The following SHANK2 variants were observed in gnomAD, a reference collection of about 807,000 sequenced individuals.
SHANK2 encodes SH3 and multiple ankyrin repeat domains 2.
In SHANK2, 43 loss-of-function variants were observed where a neutral mutation model predicts 133.7. The ratio of observed to expected loss-of-function variants is 0.32; its 90% CI spans 0.25 to 0.41. The LOEUF is 0.41. SHANK2 is among the 10% of genes least tolerant of loss of function. The probability of loss-of-function intolerance (pLI) is 1.00; values close to 1 mark genes in which losing one functional copy is unlikely to be tolerated. For missense variants in SHANK2, 1,994 were observed against 2,235.8 expected (o/e 0.89, Z 2.18); for synonymous variants, 1,017 against 952.8 (o/e 1.07, Z -1.24).
intron 17 of SHANK2, among the ~76,000 whole-genome samples, chr11:70,563,991 T>C (rs1257300872): frequency 2.0e-5 from 3 of 152,256 alleles, no homozygotes; most frequent in African/African-American, 7.2e-5. Flanking sequence ...CTGGCATTGC[T>C]TCTGACACTA....
At chr11:70,863,998 C>T (rs1206688205) in intron 11 of SHANK2, 1 of 387,036 alleles carries the variant, frequency 2.6e-6, no homozygotes, top group African/African-American at 2.1e-5. Flanking sequence ...CCCCAGCAAA[C>T]AAAAACTGGC....
chr11:70,586,760 C>T (rs1014405998), intron 17 of SHANK2, among the ~76,000 whole-genome samples: 7 of 152,132 alleles, frequency 4.6e-5, no homozygotes, highest in African/African-American at 7.2e-5. Context: ...CAGCTGGAGC[C>T]GGGAGTGGGC....
At chr11:71,162,574 G>T (rs545457231) in intron 2 of SHANK2, among the ~76,000 whole-genome samples, 2 of 152,190 alleles carry the variant, frequency 1.3e-5, no homozygotes, top group African/African-American at 4.8e-5. Flanking sequence ...GACAAATCAA[G>T]TAACATACGT....
At chr11:71,235,444 A>C (rs1276611920) in intron 1 of SHANK2, among the ~76,000 whole-genome samples, 1 of 152,000 alleles carries the variant, frequency 6.6e-6, no homozygotes, top group Admixed American at 6.6e-5. Flanking sequence ...AAATACAAAA[A>C]TTAGCCAGGC....
intron 3 of SHANK2, among the ~76,000 whole-genome samples, chr11:71,129,179 G>A (rs73521198): frequency 0.02 from 3,025 of 152,340 alleles, 96 homozygotes; most frequent in African/African-American, 0.069. Flanking sequence ...GAACACTCCT[G>A]GGTAGTATCA....
chr11:70,651,293 C>T (rs2134212410), intron 17 of SHANK2, among the ~76,000 whole-genome samples: 1 of 152,276 alleles, frequency 6.6e-6, no homozygotes, highest in South Asian at 2.1e-4. Flanking sequence ...AATGAACGAG[C>T]CAAGACTTCA....
intron 11 of SHANK2, among the ~76,000 whole-genome samples, chr11:70,844,783 C>A (rs932754451): frequency 3.9e-5 from 6 of 152,120 alleles, no homozygotes; most frequent in Non-Finnish European, 8.8e-5. Context: ...TTCCCAGGAG[C>A]GGAAATGCCA....
At chr11:70,685,830 T>C (rs1486126124) in intron 15 of SHANK2, among the ~76,000 whole-genome samples, 1 of 152,116 alleles carries the variant, frequency 6.6e-6, no homozygotes, top group Admixed American at 6.5e-5. Context: ...AGTGAAAATT[T>C]ATTGAGTGCT....
intron 16 of SHANK2, among the ~76,000 whole-genome samples, 188 bp downstream of exon 16, chr11:70,661,408 G>A (rs1555013209): frequency 6.6e-6 from 1 of 152,036 alleles, no homozygotes; most frequent in Non-Finnish European, 1.5e-5. Flanking sequence ...ACAATGTGAA[G>A]GAACATGGTT....
At position 70,756,064 on chromosome 11, in the gene SHANK2, A is replaced by G. The variant is rs117328894; in HGVS notation, c.1777+42379T>C. Reference sequence around the variant, plus strand: ...TTGCGGAGATGGCTCTGCTGCTCTGAGCTCGTTTCCTCACTGGCCGCAGCG... The same window carrying G: ...TTGCGGAGATGGCTCTGCTGCTCTGGGCTCGTTTCCTCACTGGCCGCAGCG... On this transcript the variant is annotated intron_variant, in intron 14 of 25. Transcript: ENST00000601538. 7.0e-4 allele frequency among the ~76,000 whole-genome samples: 106 copies of G among 152,054 alleles called. No individual in the cohort carries two copies. The East Asian group carries it at 0.02, about 28-fold the overall frequency.
intron 8 of SHANK2, among the ~76,000 whole-genome samples, chr11:71,080,698 G>A (rs1012571960): frequency 0.96 from 145,673 of 152,280 alleles, 69,885 homozygotes; most frequent in Non-Finnish European, 1. Context: ...ACATCATTTC[G>A]GCTCTCACTG....
intron 17 of SHANK2, among the ~76,000 whole-genome samples, chr11:70,619,292 C>T (rs1057115750): frequency 3.3e-5 from 5 of 152,220 alleles, no homozygotes; most frequent in Admixed American, 6.5e-5. Flanking sequence ...GAGAGAGCGG[C>T]GTTGGCAGGG....
intron 2 of SHANK2, among the ~76,000 whole-genome samples, chr11:71,183,360 C>G (rs544406030): frequency 1.3e-5 from 2 of 152,254 alleles, no homozygotes; most frequent in African/African-American, 4.8e-5. Flanking sequence ...GAGAGGGGCT[C>G]CTATCAGGAC....
intron 2 of SHANK2, among the ~76,000 whole-genome samples, chr11:71,168,533 C>G (rs895160383): frequency 1.3e-5 from 2 of 152,136 alleles, no homozygotes; most frequent in Non-Finnish European, 2.9e-5. Flanking sequence ...AGCCTGGGCA[C>G]CATTGAGCAC....
At chr11:71,060,821 A>G (rs1166618772) in intron 9 of SHANK2, among the ~76,000 whole-genome samples, 2 of 152,230 alleles carry the variant, frequency 1.3e-5, no homozygotes, top group African/African-American at 4.8e-5. Context: ...CTGCAAGAGC[A>G]TGCAGCAGCC....
chr11:70,921,846 A>G (rs1428534487), intron 10 of SHANK2, among the ~76,000 whole-genome samples: 1 of 152,246 alleles, frequency 6.6e-6, no homozygotes, highest in Non-Finnish European at 1.5e-5. Flanking sequence ...TAGAGTCTCC[A>G]TAATTTTTAA....
At chr11:70,528,622 C>T (rs2059428979) in intron 17 of SHANK2, among the ~76,000 whole-genome samples, 1 of 152,096 alleles carries the variant, frequency 6.6e-6, no homozygotes, top group African/African-American at 2.4e-5. Context: ...CAGAAGCAGG[C>T]CCGGCAGAGC....
Position 71,222,325 on chromosome 11 carries a change from T to A in SHANK2, c.-13+2372A>T, listed in dbSNP as rs953919301. On this transcript the variant is annotated intron_variant, in intron 2 of 25. Transcript: ENST00000601538. Reference sequence around the variant, plus strand: ...CAAGTTTTTCCTTCTCTCCTTCCCATTAATCGCAGCCGCCAGGGTTGCAGG... The same window carrying A: ...CAAGTTTTTCCTTCTCTCCTTCCCAATAATCGCAGCCGCCAGGGTTGCAGG... Among the ~76,000 whole-genome samples the A allele has an allele frequency of 2.6e-5, 4 of 152,288 alleles. No individual in the cohort carries two copies. In the South Asian group the frequency reaches 8.3e-4, roughly 32 times the overall value.
At chr11:71,149,958 G>A (rs1555107584) in intron 2 of SHANK2, among the ~76,000 whole-genome samples, 1 of 24,454 alleles carries the variant, frequency 4.1e-5, no homozygotes, top group Non-Finnish European at 7.9e-5. Flanking sequence ...AGGGAGAGGA[G>A]GGGAGGGGAG....
Sources: gnomAD v4.1 joint callset for allele counts (sites outside exome capture counted in the v4.1 genomes callset) on GRCh38, gnomAD v4.1.1 for gene constraint, MANE v1.5 for transcripts, NCBI Gene and HGNC (gene_info 2026-07-23, HGNC 2026-07-21) for gene names.